The following MYOF variants were observed in gnomAD, a reference collection of about 807,000 sequenced individuals.
The protein encoded by MYOF is fer-1-like 3, myoferlin.
MYOF carries 244 observed loss-of-function variants against 284.2 expected under a neutral mutation model. The observed-to-expected ratio is 0.86, with a 90% CI of 0.77 to 0.95. The LOEUF (loss-of-function observed/expected upper bound fraction) is 0.95, where lower values mean the gene tolerates loss of function less well. Among genes scored for constraint, MYOF ranks in the 40% least tolerant of loss-of-function variants. The pLI, the probability that MYOF is intolerant of heterozygous loss-of-function variation, is 0.00. For synonymous variants in MYOF, 904 were observed against 919.7 expected (o/e 0.98, Z 0.31); for missense variants, 2,496 against 2,560.6 (o/e 0.97, Z 0.54).
rs766350903 is a variant in MYOF at position 93,328,827 on chromosome 10, G to A, written c.5067C>T (p.Pro1689=). Residue 1689 remains proline (P), a synonymous_variant, in exon 45 of 54, where the codon CCC becomes CCT. Coordinates refer to ENST00000359263, the MANE Select transcript of MYOF (RefSeq NM_013451.4). ...TTCTACTCCCATCTTCGGAAAGGAT[G>A]GGTTGTGGGAAGCCTTTGAATCTGG... The part of the protein sequence containing the change: ...NVARFKGFPQ[P]ILSEDGSRIR... 1.1e-5 allele frequency: 17 copies of A among 1,613,722 alleles called. No individual in the cohort carries two copies. The highest frequency in any genetic ancestry group is 1.4e-5 in the Non-Finnish European group (17 of 1,179,710).
At chr10:93,420,327 C>T (rs955211645) in intron 5 of MYOF, among the ~76,000 whole-genome samples, 6 of 152,186 alleles carry the variant, frequency 3.9e-5, no homozygotes, top group Admixed American at 6.5e-5. Context: ...TGACATCTGG[C>T]GAATTAAGTT....
chr10:93,343,082 T>A (rs934946543), intron 38 of MYOF, among the ~76,000 whole-genome samples: 2 of 152,160 alleles, frequency 1.3e-5, no homozygotes, highest in Non-Finnish European at 2.9e-5. Flanking sequence ...TTTATGGACA[T>A]AACATATTAA....
intron 5 of MYOF, chr10:93,425,645 C>T: frequency 5.8e-6 from 1 of 172,860 alleles, no homozygotes. Context: ...GAAAGCCATG[C>T]CCATGAGACT....
intron 22 of MYOF, among the ~76,000 whole-genome samples, chr10:93,375,543 C>T (rs1262585981): frequency 6.6e-6 from 1 of 152,210 alleles, no homozygotes; most frequent in Non-Finnish European, 1.5e-5. Context: ...CCATTCTTTA[C>T]TAGTTCTATT....
In MYOF at chr10:93,342,268, C is replaced by G. The variant is rs956428702; in HGVS notation, c.4326+1588G>C. ...AGGAAGTGGTAATACATGCACATTA[C>G]ATGTACATTACATATACATGTAATA... On this transcript the variant is annotated intron_variant, in intron 38 of 53. Coordinates refer to ENST00000359263, the MANE Select transcript of MYOF (RefSeq NM_013451.4). 7.2e-5 allele frequency among the ~76,000 whole-genome samples: 11 copies of G among 152,198 alleles called. No homozygotes were observed. The South Asian group carries it at 1.7e-3, about 23-fold the overall frequency.
intron 5 of MYOF, 101 bp from the exon 6 acceptor site, chr10:93,409,840 A>C: frequency 7.0e-7 from 1 of 1,437,718 alleles, no homozygotes; most frequent in Non-Finnish European, 9.5e-7. Context: ...ATTATGTTTT[A>C]AGTGTTCCTA....
At chr10:93,316,902 C>G (rs1842636785) in intron 49 of MYOF, 89 bp from the exon 50 acceptor site, 5 of 980,344 alleles carry the variant, frequency 5.1e-6, no homozygotes, top group Non-Finnish European at 8.0e-6. Flanking sequence ...GCCTTTCTCT[C>G]CTTTGCACCC....
chr10:93,315,749 G>A (rs1302106180), intron 50 of MYOF, among the ~76,000 whole-genome samples: 1 of 152,132 alleles, frequency 6.6e-6, no homozygotes, highest in East Asian at 1.9e-4. Context: ...TTCCACTGAG[G>A]TGAGAGTGGG....
At chr10:93,320,990 G>T (rs787679) in intron 48 of MYOF, among the ~76,000 whole-genome samples, 7 of 151,506 alleles carry the variant, frequency 4.6e-5, no homozygotes, top group Non-Finnish European at 7.4e-5. Context: ...TGGTCGACAC[G>T]CAGACAGAAA....
At chr10:93,322,641 A>G (rs1564617014) in intron 48 of MYOF, among the ~76,000 whole-genome samples, 1 of 152,222 alleles carries the variant, frequency 6.6e-6, no homozygotes, top group African/African-American at 2.4e-5. Context: ...ATCTGCGAAC[A>G]TTTCCTCTTT....
chr10:93,334,473 T>C (rs554750910), intron 41 of MYOF, among the ~76,000 whole-genome samples: 22 of 152,268 alleles, frequency 1.4e-4, no homozygotes, highest in African/African-American at 5.1e-4. Context: ...ATTGAGATAA[T>C]CTATTTATTC....
chr10:93,438,774 C>T (rs2056154556), intron 3 of MYOF, among the ~76,000 whole-genome samples: 1 of 152,042 alleles, frequency 6.6e-6, no homozygotes, highest in South Asian at 2.1e-4. Context: ...TCCAGGCTCA[C>T]GTTTGAGAAC....
At chr10:93,328,403 T>G (rs112142909) in intron 45 of MYOF, among the ~76,000 whole-genome samples, 4 of 152,284 alleles carry the variant, frequency 2.6e-5, no homozygotes, top group African/African-American at 9.6e-5. Flanking sequence ...CTGAAGCTTC[T>G]GGGAGAAGGG....
chr10:93,452,801 A>G (rs2056632291), intron 2 of MYOF, among the ~76,000 whole-genome samples: 1 of 152,204 alleles, frequency 6.6e-6, no homozygotes, highest in Non-Finnish European at 1.5e-5. Flanking sequence ...GCTCTTCTTA[A>G]TCATACTACT....
At chr10:93,374,739 G>T in intron 23 of MYOF, 24 bp downstream of exon 23, 2 of 1,606,502 alleles carry the variant, frequency 1.2e-6, no homozygotes, top group South Asian at 1.1e-5. Flanking sequence ...ATCAGGTGAC[G>T]TTTGTGTAGT....
intron 1 of MYOF, among the ~76,000 whole-genome samples, chr10:93,479,716 C>T (rs1195186246): frequency 6.6e-6 from 1 of 152,154 alleles, no homozygotes; most frequent in Non-Finnish European, 1.5e-5. Context: ...TTAATGTCAG[C>T]TGGAATGCAG....
At chr10:93,458,740 A>T (rs2056805157) in intron 1 of MYOF, among the ~76,000 whole-genome samples, 2 of 152,214 alleles carry the variant, frequency 1.3e-5, no homozygotes, top group Non-Finnish European at 2.9e-5. Context: ...AAAACAAAAA[A>T]CAAATAAGTC....
chr10:93,439,140 C>T (rs893932698), intron 3 of MYOF, among the ~76,000 whole-genome samples: 1 of 152,190 alleles, frequency 6.6e-6, no homozygotes, highest in Non-Finnish European at 1.5e-5. Context: ...TTTTTCCCAG[C>T]CCCTCCCACC....
At chr10:93,365,404 A>C (rs1011364052) in intron 26 of MYOF, among the ~76,000 whole-genome samples, 13 of 152,162 alleles carry the variant, frequency 8.5e-5, no homozygotes, top group Admixed American at 7.9e-4. Flanking sequence ...ACCACCTTCT[A>C]CTGTTTATTT....
Sources: allele counts gnomAD v4.1 joint callset (sites outside exome capture counted in the v4.1 genomes callset), GRCh38; gene constraint gnomAD v4.1.1; transcripts MANE v1.5; gene names NCBI Gene and HGNC (gene_info 2026-07-23, HGNC 2026-07-21).